GALNT7: variants seen among roughly 807,000 people sequenced by gnomAD.
GALNT7 encodes the protein polypeptide N-acetylgalactosaminyltransferase 7, also known as N-acetylgalactosaminyltransferase 7.
A neutral mutation model predicts 82.1 loss-of-function variants in GALNT7; 60 were observed. The ratio of observed to expected loss-of-function variants is 0.73; its 90% CI spans 0.59 to 0.91. GALNT7 has a LOEUF of 0.91. Ranked by LOEUF, GALNT7 falls within the 40% of genes least tolerant of loss-of-function variation. The pLI is 0.00. For missense variants in GALNT7, 660 were observed against 804.2 expected (o/e 0.82, Z 2.17); for synonymous variants, 243 against 275.1 (o/e 0.88, Z 1.15).
chr4:173,176,107 T>C (rs543519524), intron 1 of GALNT7, among the ~76,000 whole-genome samples: 1 of 150,494 alleles, frequency 6.6e-6, no homozygotes, highest in Admixed American at 6.6e-5. Context: ...AGAAAGAGAA[T>C]GGGTTGGAAG....
chr4:173,313,150 G>A (rs1411297527), intron 8 of GALNT7, among the ~76,000 whole-genome samples: 3 of 152,110 alleles, frequency 2.0e-5, no homozygotes, highest in African/African-American at 7.2e-5. Flanking sequence ...TTCTATTATA[G>A]TTATAACAGG....
At position 173,221,551 on chromosome 4, in the gene GALNT7, A is replaced by T. The variant is rs183616094; in HGVS notation, c.127-26429A>T. Among the ~76,000 whole-genome samples, 42 of 152,364 alleles carry T rather than the reference A, an allele frequency of 2.8e-4. 1 individual carries two copies. In the East Asian group the frequency reaches 5.2e-3, roughly 19 times the overall value. On this transcript the variant is annotated intron_variant, in intron 1 of 11. Transcript: ENST00000265000. Reference sequence around the variant, plus strand: ...ATAGGTCTTTTTGAGACTAATTGAAATTATGGAACAACCGATAGAATAAAA... The same window carrying T: ...ATAGGTCTTTTTGAGACTAATTGAATTTATGGAACAACCGATAGAATAAAA...
intron 1 of GALNT7, among the ~76,000 whole-genome samples, chr4:173,225,885 G>C (rs943290734): frequency 6.6e-6 from 1 of 152,162 alleles, no homozygotes; most frequent in African/African-American, 2.4e-5. Context: ...CTATGAAGTG[G>C]TTCTCTACCA....
intron 11 of GALNT7, among the ~76,000 whole-genome samples, chr4:173,319,139 TGTGA>T (rs1385608397): frequency 2.6e-5 from 4 of 152,142 alleles, no homozygotes; most frequent in Admixed American, 2.0e-4. Flanking sequence ...GTGTTTCAGC[TGTGA>T]GTATTTAAAG....
Position 173,295,364 on chromosome 4 carries a change from A to G in GALNT7, c.755-32A>G, listed in dbSNP as rs1736682959. The G allele has an allele frequency of 4.9e-6, 7 of 1,429,024 alleles. No individual in the cohort carries two copies. In the South Asian group the frequency reaches 8.1e-5, roughly 17 times the overall value. The allele number at this position is 1,429,024 out of a possible 1,614,324, so 88.5% of individuals were successfully genotyped here. ...ATAACTAATTGGTTTCTATTCGTCT[A>G]ATTTATAATATCGATTGATTTTTCT... On this transcript the variant is annotated intron_variant, in intron 3 of 11. Coordinates refer to ENST00000265000, the MANE Select transcript of GALNT7 (RefSeq NM_017423.3).
chr4:173,291,334 A>C (rs996292101), intron 2 of GALNT7, among the ~76,000 whole-genome samples: 1 of 152,146 alleles, frequency 6.6e-6, no homozygotes, highest in Non-Finnish European at 1.5e-5. Flanking sequence ...ACATCTTCCT[A>C]CAAGATCTGC....
chr4:173,174,456 G>A (rs1731972823), intron 1 of GALNT7, among the ~76,000 whole-genome samples: 1 of 152,182 alleles, frequency 6.6e-6, no homozygotes, highest in Non-Finnish European at 1.5e-5. Flanking sequence ...AAGAAACTAA[G>A]GTACATCCAT....
At chr4:173,246,269 C>A (rs150109896) in intron 1 of GALNT7, among the ~76,000 whole-genome samples, 1,751 of 152,266 alleles carry the variant, frequency 0.011, 14 homozygotes, top group Middle Eastern at 0.051. Flanking sequence ...TTTGTAAATT[C>A]TTTGCAATAT....
intron 2 of GALNT7, among the ~76,000 whole-genome samples, chr4:173,277,627 T>C (rs1405813012): frequency 1.3e-5 from 2 of 152,260 alleles, no homozygotes; most frequent in East Asian, 3.9e-4. Flanking sequence ...TAGGGCCAAG[T>C]GATGGAACAG....
chr4:173,270,054 A>G (rs1735667541), intron 2 of GALNT7, among the ~76,000 whole-genome samples: 1 of 152,228 alleles, frequency 6.6e-6, no homozygotes, highest in Non-Finnish European at 1.5e-5. Flanking sequence ...AAAAATATAA[A>G]AAGATAATCA....
At chr4:173,193,985 C>T (rs1283105741) in intron 1 of GALNT7, among the ~76,000 whole-genome samples, 2 of 152,054 alleles carry the variant, frequency 1.3e-5, no homozygotes, top group East Asian at 1.9e-4. Flanking sequence ...AAATTTTATT[C>T]ATATGCTATG....
intron 8 of GALNT7, among the ~76,000 whole-genome samples, chr4:173,306,356 T>TTTTC (rs148289909): frequency 0.034 from 5,122 of 152,322 alleles, 280 homozygotes; most frequent in African/African-American, 0.12. Context: ...TTTGGATGTC[T>TTTTC]TTTCTTTCTC....
intron 8 of GALNT7, among the ~76,000 whole-genome samples, chr4:173,305,048 T>C (rs1737098469): frequency 6.6e-6 from 1 of 152,204 alleles, no homozygotes; most frequent in Non-Finnish European, 1.5e-5. Context: ...GTAATGAGAT[T>C]GCTAGATCAG....
At chr4:173,214,235 A>G (rs777137913) in intron 1 of GALNT7, among the ~76,000 whole-genome samples, 8 of 151,986 alleles carry the variant, frequency 5.3e-5, no homozygotes, top group Non-Finnish European at 1.0e-4. Flanking sequence ...TAAGTGTTGT[A>G]TCCTTTAAGC....
At chr4:173,169,266 C>G (rs1731759639) in intron 1 of GALNT7, 1 of 148,362 alleles carries the variant, frequency 6.7e-6, no homozygotes, top group Admixed American at 6.7e-5. Context: ...GGACTGCGGG[C>G]GGAGCGGGCG....
chr4:173,189,534 AG>A (rs1474237485), intron 1 of GALNT7, among the ~76,000 whole-genome samples: 3 of 152,254 alleles, frequency 2.0e-5, no homozygotes, highest in African/African-American at 7.2e-5. Context: ...TATACTTCCA[AG>A]AACATTTTGC....
chr4:173,238,197 G>T (rs1734298832), intron 1 of GALNT7, among the ~76,000 whole-genome samples: 1 of 151,448 alleles, frequency 6.6e-6, no homozygotes. Flanking sequence ...TCATTACTTT[G>T]CTTTCATTTT....
At chr4:173,171,444 C>CTCCA in intron 1 of GALNT7, among the ~76,000 whole-genome samples, 1 of 152,342 alleles carries the variant, frequency 6.6e-6, no homozygotes, top group Admixed American at 6.5e-5. Context: ...TCTGCCTCTA[C>CTCCA]TCCAGCAAGC....
intron 1 of GALNT7, among the ~76,000 whole-genome samples, chr4:173,232,002 A>T (rs537862071): frequency 6.6e-6 from 1 of 152,328 alleles, no homozygotes; most frequent in East Asian, 1.9e-4. Flanking sequence ...ATATCACTGG[A>T]ACTAGAGCAG....
Sources: allele counts gnomAD v4.1 joint callset (sites outside exome capture counted in the v4.1 genomes callset), GRCh38; gene constraint gnomAD v4.1.1; transcripts MANE v1.5; gene names NCBI Gene and HGNC (gene_info 2026-07-23, HGNC 2026-07-21).